Variants in IGF2BP3 observed in about 807,000 individuals in gnomAD.
IGF2BP3 encodes insulin like growth factor 2 mRNA binding protein 3, also known as insulin-like growth factor 2 mRNA-binding protein 3.
Under a neutral mutation model 73.8 loss-of-function variants are expected in IGF2BP3, and 9 were observed. The observed-to-expected ratio is 0.12, with a 90% CI of 0.07 to 0.21. The LOEUF (loss-of-function observed/expected upper bound fraction) is 0.21, where lower values mean the gene tolerates loss of function less well. Ranked by LOEUF, IGF2BP3 falls within the 10% of genes least tolerant of loss-of-function variation. The pLI, the probability that IGF2BP3 is intolerant of heterozygous loss-of-function variation, is 1.00. For missense variants in IGF2BP3, 542 were observed against 714.0 expected, an observed-to-expected ratio of 0.76 and a Z score of 2.75; for synonymous variants, 258 against 256.7, an observed-to-expected ratio of 1.01 and a Z score of -0.05.
intron 3 of IGF2BP3, among the ~76,000 whole-genome samples, chr7:23,389,868 T>G (rs1786215683): frequency 6.7e-6 from 1 of 148,760 alleles, no homozygotes; most frequent in South Asian, 2.1e-4. Flanking sequence ...GGTGTGGTAG[T>G]ATGCATCTGT....
chr7:23,355,457 C>T (rs544290300), intron 5 of IGF2BP3, among the ~76,000 whole-genome samples: 59 of 152,140 alleles, frequency 3.9e-4, no homozygotes, highest in African/African-American at 1.4e-3. Context: ...TCTCGAACTC[C>T]TGACCTCAAG....
At position 23,469,621 on chromosome 7, in the gene IGF2BP3, C is replaced by G. The variant is rs986289858; in HGVS notation, c.175+315G>C. The G allele has an allele frequency of 4.9e-5, 8 of 163,614 alleles. No homozygotes were observed. Among genetic ancestry groups the G allele is most frequent in the Non-Finnish European group, 9.2e-5 (7 of 75,886 alleles). 10.1% of individuals were successfully genotyped at this position (163,614 alleles called of 1,614,324 possible). A position where few individuals can be genotyped will look rare whatever the true frequency, so the allele number is the denominator to read the frequency against. The stretch of plus-strand genomic sequence containing the variant: ...CCAGCGTGCCGGGGCCTGGAGCACG[C>G]GCCTGGGCCCGGGCGGGGCGCCGGG... On this transcript the variant is annotated intron_variant, in intron 1 of 14. Coordinates refer to ENST00000258729, the MANE Select transcript of IGF2BP3 (RefSeq NM_006547.3). This position sits in a 1 kb window ranked among gnomAD's most constrained non-coding sequence, Gnocchi z 6.1.
chr7:23,328,991 C>T (rs749190767), intron 10 of IGF2BP3, among the ~76,000 whole-genome samples: 4 of 152,064 alleles, frequency 2.6e-5, no homozygotes, highest in Non-Finnish European at 5.9e-5. Context: ...AGGAGGATCA[C>T]GAGGTCCGGA....
At chr7:23,363,738 A>C (rs1177156153) in intron 3 of IGF2BP3, among the ~76,000 whole-genome samples, 1 of 152,242 alleles carries the variant, frequency 6.6e-6, no homozygotes, top group Admixed American at 6.5e-5. Context: ...AAGACATTCA[A>C]ATATTTCATG....
intron 2 of IGF2BP3, among the ~76,000 whole-genome samples, chr7:23,434,343 T>C (rs1304660118): frequency 1.3e-5 from 2 of 152,182 alleles, no homozygotes; most frequent in African/African-American, 4.8e-5. Context: ...AGTTGATCAT[T>C]ATCAAATTAT....
rs1289198888 is a variant in IGF2BP3, at chr7:23,412,840, G to GC, written c.285+5935dup. ...GAGAAATCCTTTCCTTAAGACTCTG[G>GC]CCTTTTTTTTTTTTTTTTTTTTTTT... On this transcript the variant is annotated intron_variant, in intron 3 of 14. Coordinates refer to ENST00000258729, the MANE Select transcript of IGF2BP3 (RefSeq NM_006547.3). 2.6e-3 allele frequency among the ~76,000 whole-genome samples: 293 copies of GC among 113,056 alleles called. 1 individual carries two copies. Among genetic ancestry groups the GC allele is most frequent in the Non-Finnish European group, 3.7e-3 (218 of 58,448 alleles). 74.2% of individuals were successfully genotyped at this position (113,056 alleles called of 152,430 possible). A position where few individuals can be genotyped will look rare whatever the true frequency, so the allele number is the denominator to read the frequency against.
chr7:23,402,173 A>G (rs1786688469), intron 3 of IGF2BP3: 1 of 152,204 alleles, frequency 6.6e-6, no homozygotes, highest in South Asian at 2.1e-4. Flanking sequence ...TGCTTAATAC[A>G]TAGCTCAGAG....
At chr7:23,413,171 G>T (rs1056511774) in intron 3 of IGF2BP3, 1 of 150,532 alleles carries the variant, frequency 6.6e-6, no homozygotes, top group Non-Finnish European at 1.5e-5. Flanking sequence ...CACTTACTGT[G>T]TATTTTTTAC....
Position 23,317,716 on chromosome 7 carries a change from G to GT in IGF2BP3, c.1321-4dup, listed in dbSNP as rs1784029454. On this transcript the variant is annotated splice_region_variant and splice_polypyrimidine_tract_variant and intron_variant, in intron 11 of 14. Transcript: ENST00000258729. ...TCTGGTGCTTCCGCTGGAGCAATCT[G>GT]TAACAGACCCAACAACAAGTTATGA... 2 of 1,612,596 alleles carry GT rather than the reference G, an allele frequency of 1.2e-6. No homozygotes were observed. Among genetic ancestry groups the GT allele is most frequent in the Non-Finnish European group, 1.7e-6 (2 of 1,178,688 alleles).
chr7:23,343,711 A>C lies in IGF2BP3; in HGVS notation c.1077+7T>G. 1 of 1,608,772 alleles carries C rather than the reference A, an allele frequency of 6.2e-7. No individual in the cohort carries two copies. Among genetic ancestry groups the C allele is most frequent in the Non-Finnish European group, 8.5e-7 (1 of 1,177,666 alleles). ...AATAAAGACATGCCCTTCATAACAA[A>C]ACTAACATTCATAGAAGCAATATCA... On this transcript the variant is annotated splice_region_variant and intron_variant, in intron 9 of 14. Coordinates refer to ENST00000258729, the MANE Select transcript of IGF2BP3 (RefSeq NM_006547.3).
At chr7:23,444,708 A>T (rs1259323000) in intron 2 of IGF2BP3, among the ~76,000 whole-genome samples, 1 of 145,170 alleles carries the variant, frequency 6.9e-6, no homozygotes, top group Non-Finnish European at 1.5e-5. Context: ...GCAACACTGC[A>T]CTCCAGCCTG....
intron 2 of IGF2BP3, 80 bp downstream of exon 2, chr7:23,468,402 G>C: frequency 7.0e-7 from 1 of 1,428,044 alleles, no homozygotes; most frequent in African/African-American, 1.4e-5. Context: ...AGCACCAGAG[G>C]ACAAGAAGTT....
intron 3 of IGF2BP3, among the ~76,000 whole-genome samples, chr7:23,380,583 G>C (rs1384307155): frequency 6.6e-6 from 1 of 152,120 alleles, no homozygotes. Flanking sequence ...CTTTAAACTA[G>C]AACACACTAT....
At chr7:23,442,087 A>G (rs899873207) in intron 2 of IGF2BP3, among the ~76,000 whole-genome samples, 9 of 152,234 alleles carry the variant, frequency 5.9e-5, no homozygotes, top group Admixed American at 1.3e-4. Context: ...AGATCATGCC[A>G]TTGCACTCCA....
chr7:23,361,246 C>G (rs969614029), intron 5 of IGF2BP3: 1 of 259,238 alleles, frequency 3.9e-6, no homozygotes, highest in Admixed American at 5.1e-5. Context: ...TATTTGGCAA[C>G]AATACCAAGG....
At chr7:23,416,927 A>T (rs924050581) in intron 3 of IGF2BP3, among the ~76,000 whole-genome samples, 1 of 152,110 alleles carries the variant, frequency 6.6e-6, no homozygotes, top group African/African-American at 2.4e-5. Flanking sequence ...TGGTTGGCGG[A>T]TGCCTGTAAT....
At chr7:23,400,037 C>T (rs945396258) in intron 3 of IGF2BP3, among the ~76,000 whole-genome samples, 1 of 152,118 alleles carries the variant, frequency 6.6e-6, no homozygotes, top group African/African-American at 2.4e-5. Context: ...ATAAGGCATA[C>T]ATGGTATAAA....
chr7:23,334,909 G>A (rs892740040), intron 10 of IGF2BP3, among the ~76,000 whole-genome samples: 1 of 152,082 alleles, frequency 6.6e-6, no homozygotes, highest in East Asian at 1.9e-4. Context: ...CAGCCAACAT[G>A]ATCAGCCTCC....
intron 2 of IGF2BP3, among the ~76,000 whole-genome samples, chr7:23,435,945 C>T (rs746066685): frequency 3.3e-5 from 5 of 151,240 alleles, no homozygotes; most frequent in East Asian, 2.0e-4. Flanking sequence ...TTAGTAGAGA[C>T]GGGGTTTTAC....
Sources: allele counts gnomAD v4.1 joint callset (sites outside exome capture counted in the v4.1 genomes callset), GRCh38; gene constraint gnomAD v4.1.1; non-coding constraint Gnocchi (gnomAD v3.1); transcripts MANE v1.5; gene names NCBI Gene and HGNC (gene_info 2026-07-23, HGNC 2026-07-21).